The following XRN1 variants were observed in gnomAD, a reference collection of about 807,000 sequenced individuals.
XRN1 encodes the protein 5'-3' exoribonuclease 1.
In XRN1, 67 loss-of-function variants were observed where a neutral mutation model predicts 222.3. The observed-to-expected ratio is 0.30, with a 90% CI of 0.25 to 0.37. The LOEUF is 0.37. XRN1 is among the 10% of genes least tolerant of loss of function. The pLI, the probability that XRN1 is intolerant of heterozygous loss-of-function variation, is 1.00. For missense variants in XRN1, 1,707 were observed against 2,000.2 expected, an observed-to-expected ratio of 0.85 and a Z score of 2.80; for synonymous variants, 643 against 652.4, an observed-to-expected ratio of 0.99 and a Z score of 0.22.
chr3:142,351,919 AG>A (rs1157081307), intron 32 of XRN1, among the ~76,000 whole-genome samples: 2 of 150,252 alleles, frequency 1.3e-5, no homozygotes, highest in African/African-American at 2.4e-5. Flanking sequence ...AAAAAAAAAA[AG>A]GTCCCAGAAT....
rs372457638 is a variant in XRN1, at chr3:142,422,766, G to A, written c.799-16C>T. ...TGATCTTTTCCTACAGTAAAATAGA[G>A]AACAAAGTCAAATCCAGTGAAAATT... On this transcript the variant is annotated splice_polypyrimidine_tract_variant and intron_variant, in intron 7 of 40. Transcript: ENST00000392981. The A allele has an allele frequency of 2.7e-5, 44 of 1,607,432 alleles. No homozygotes were observed. In the African/African-American group the frequency reaches 4.7e-4, roughly 17 times the overall value.
At chr3:142,442,881 C>T (rs1342624076) in intron 1 of XRN1, among the ~76,000 whole-genome samples, 1 of 152,146 alleles carries the variant, frequency 6.6e-6, no homozygotes, top group Non-Finnish European at 1.5e-5. Flanking sequence ...CTACGGGCGC[C>T]CAACACGACG....
intron 20 of XRN1, among the ~76,000 whole-genome samples, chr3:142,391,760 A>G (rs1486059002): frequency 6.8e-6 from 1 of 147,306 alleles, no homozygotes; most frequent in Admixed American, 6.8e-5. Flanking sequence ...ATATATATAT[A>G]TATATATATA....
At chr3:142,416,893 G>T (rs1050759293) in intron 13 of XRN1, among the ~76,000 whole-genome samples, 1 of 151,704 alleles carries the variant, frequency 6.6e-6, no homozygotes, top group Non-Finnish European at 1.5e-5. Flanking sequence ...TTAGCTGGCC[G>T]TGGTGGCGCA....
rs1339454043 is a variant in XRN1, at chr3:142,384,768, T to C, written c.2340-83A>G. 3 of 1,042,556 alleles carry C rather than the reference T, an allele frequency of 2.9e-6. No individual in the cohort carries two copies. The East Asian group carries it at 7.8e-5, about 27-fold the overall frequency. The allele number at this position is 1,042,556 out of a possible 1,614,324, so 64.6% of individuals were successfully genotyped here. ...ACGATAATCGTCAACTATCGTAAACTATCAACTCATAATCAAGTGTGTAAA... is the reference window on the plus strand; with the variant it reads ...ACGATAATCGTCAACTATCGTAAACCATCAACTCATAATCAAGTGTGTAAA... On this transcript the variant is annotated intron_variant, in intron 20 of 40. Coordinates refer to ENST00000392981, the MANE Select transcript of XRN1 (RefSeq NM_001282857.2).
At position 142,311,729 on chromosome 3, in the gene XRN1, G is replaced by T; in HGVS notation, c.4867C>A (p.Gln1623Lys). 6.2e-7 allele frequency: 1 copy of T among 1,614,138 alleles called. No individual in the cohort carries two copies. The highest frequency in any genetic ancestry group is 8.5e-7 in the Non-Finnish European group (1 of 1,180,010). The change falls in exon 41 of 41, where the codon CAG becomes AAG. Residue 1623 changes from glutamine to lysine, a missense_variant. This residue lies in a region of XRN1 where 473 missense variants were observed against 482.0 expected (regional missense o/e 0.98). Transcript: ENST00000392981. ...TTGACAATGTTGGAAGAATCTGGCT[G>T]GCTAGTCTGAACTGGAGTGGCTTGA... ...SSQATPVQTS[Q>K]PDSSNIVKVS...
chr3:142,372,091 T>C (rs1211623990), intron 25 of XRN1, among the ~76,000 whole-genome samples: 1 of 152,056 alleles, frequency 6.6e-6, no homozygotes, highest in African/African-American at 2.4e-5. Flanking sequence ...TTTAGTAAGA[T>C]TTAAAGTTTG....
At chr3:142,396,458 C>A (rs555672008) in intron 20 of XRN1, among the ~76,000 whole-genome samples, 1 of 152,238 alleles carries the variant, frequency 6.6e-6, no homozygotes, top group South Asian at 2.1e-4. Context: ...TATTTATATG[C>A]TACAAAAGAC....
In XRN1 at chr3:142,421,477, T is replaced by C; in HGVS notation, c.1034A>G (p.Asp345Gly). Reference protein sequence around the residue: ...RFEKYLVKLSDFDREHFSEVF... With the variant: ...RFEKYLVKLSGFDREHFSEVF... ...AACCAAAAATTTCTAGTTACTTACA[T>C]CTGATAGTTTCACAAGGTATTTCTC... The change falls in exon 9 of 41, where the codon GAT becomes GGT. Residue 345 changes from aspartate to glycine, a missense_variant and splice_region_variant. Transcript: ENST00000392981. The C allele has an allele frequency of 6.2e-7, 1 of 1,607,562 alleles. No individual in the cohort carries two copies.
chr3:142,321,887 A>G (rs1405309249), intron 37 of XRN1, among the ~76,000 whole-genome samples: 1 of 152,144 alleles, frequency 6.6e-6, no homozygotes, highest in Non-Finnish European at 1.5e-5. Context: ...GTTTTCTACT[A>G]TAAGATCATA....
At chr3:142,378,174 T>C (rs986802011) in intron 23 of XRN1, among the ~76,000 whole-genome samples, 4 of 152,184 alleles carry the variant, frequency 2.6e-5, no homozygotes, top group Non-Finnish European at 5.9e-5. Context: ...ATCAGAACCT[T>C]CCCTCTGTTT....
At chr3:142,431,846 A>AAT in intron 2 of XRN1, among the ~76,000 whole-genome samples, 2 of 66,452 alleles carry the variant, frequency 3.0e-5, no homozygotes, top group East Asian at 6.7e-4. Context: ...AATATTAAAA[A>AAT]ATATATATAT....
rs75873944 is a variant in XRN1, at chr3:142,346,475, C to T, written c.3877+759G>A. On this transcript the variant is annotated intron_variant, in intron 33 of 40. Transcript: ENST00000392981. The stretch of plus-strand genomic sequence containing the variant: ...AGTGTGCACATGTTGAGAGCAGACA[C>T]AATCATCCTCTTTTTTTTTTTTTTG... Among the ~76,000 whole-genome samples the T allele has an allele frequency of 2.4e-4, 36 of 151,342 alleles. No individual in the cohort carries two copies. The East Asian group carries it at 7.0e-3, about 29-fold the overall frequency.
In XRN1 at chr3:142,318,872, T is replaced by C; in HGVS notation, c.4436A>G (p.Asn1479Ser). 6.2e-7 allele frequency: 1 copy of C among 1,613,832 alleles called. No individual in the cohort carries two copies. The highest frequency in any genetic ancestry group is 8.5e-7 in the Non-Finnish European group (1 of 1,179,878). Residue 1479 changes from asparagine to serine, a missense_variant, in exon 38 of 41, where the codon AAT (asparagine) becomes AGT (serine). Asn to Ser is a conservative substitution (Grantham distance 46). This residue lies in a region of XRN1 where 473 missense variants were observed against 482.0 expected (regional missense o/e 0.98). Transcript: ENST00000392981. ...TMTVCQVKLSNGLLVHGPQCH... is the reference protein window; with the variant it reads ...TMTVCQVKLSSGLLVHGPQCH... Reference sequence around the variant, plus strand: ...CTGTGGCCCATGTACCAGTAAGCCATTAGATAATTTTACTTGGCAAACGGT... The same window carrying C: ...CTGTGGCCCATGTACCAGTAAGCCACTAGATAATTTTACTTGGCAAACGGT...
chr3:142,374,030 C>T (rs930797026), intron 25 of XRN1, among the ~76,000 whole-genome samples: 9 of 152,094 alleles, frequency 5.9e-5, no homozygotes, highest in African/African-American at 1.7e-4. Context: ...AAATAATCTC[C>T]AATCTAGGAT....
Position 142,309,902 on chromosome 3 carries a change from T to C in XRN1, c.*1609A>G, listed in dbSNP as rs1182762701. ...GTTTATGAGGCAATAATTATACACA[T>C]TGAGGATTTACTTGAGCCTCATTAC... On this transcript the variant is annotated 3_prime_UTR_variant, in exon 41 of 41. Coordinates refer to ENST00000392981, the MANE Select transcript of XRN1 (RefSeq NM_001282857.2). The C allele has an allele frequency of 2.0e-5, 3 of 152,422 alleles. No individual in the cohort carries two copies. Among genetic ancestry groups the C allele is most frequent in the African/African-American group, 4.8e-5 (2 of 41,462 alleles). The allele number at this position is 152,422 out of a possible 1,614,324, so 9.4% of individuals were successfully genotyped here.
At position 142,307,379 on chromosome 3, in the gene XRN1, A is replaced by G. The variant is rs558611019; in HGVS notation, c.*4132T>C. 45 of 152,240 alleles carry G rather than the reference A, an allele frequency of 3.0e-4. No homozygotes were observed. The highest frequency in any genetic ancestry group is 1.0e-3 in the African/African-American group (43 of 41,546). The allele number at this position is 152,240 out of a possible 1,614,324, so 9.4% of individuals were successfully genotyped here. A position where few individuals can be genotyped will look rare whatever the true frequency, so the allele number is the denominator to read the frequency against. ...TGTACGGCTGGAGGGAAAAAAAAAA[A>G]GACTTTTTACAGGTTTAACTTTGTA... On this transcript the variant is annotated 3_prime_UTR_variant, in exon 41 of 41. Coordinates refer to ENST00000392981, the MANE Select transcript of XRN1 (RefSeq NM_001282857.2).
intron 2 of XRN1, among the ~76,000 whole-genome samples, chr3:142,427,815 T>C (rs1193916985): frequency 6.6e-6 from 1 of 152,222 alleles, no homozygotes; most frequent in East Asian, 1.9e-4. Context: ...GCATGCCACA[T>C]GGCATACAAG....
chr3:142,375,029 A>C (rs1263376672), intron 25 of XRN1, among the ~76,000 whole-genome samples: 10 of 152,286 alleles, frequency 6.6e-5, no homozygotes, highest in Middle Eastern at 3.4e-3. Flanking sequence ...CAAGCCAAAG[A>C]ACATATAAGG....
Sources: allele counts gnomAD v4.1 joint callset (sites outside exome capture counted in the v4.1 genomes callset), GRCh38; gene constraint gnomAD v4.1.1; regional missense constraint gnomAD v4.1.1; transcripts MANE v1.5; gene names NCBI Gene and HGNC (gene_info 2026-07-23, HGNC 2026-07-21).